Variants in WDR37 observed in about 807,000 individuals in gnomAD.
WDR37 encodes the protein WD repeat domain 37, also known as WD repeat-containing protein 37.
In WDR37, 19 loss-of-function variants were observed where a neutral mutation model predicts 62.9. The ratio of observed to expected loss-of-function variants is 0.30; its 90% confidence interval spans 0.21 to 0.44. WDR37 has a LOEUF of 0.44. WDR37 is among the 20% of genes least tolerant of loss of function. WDR37 has a pLI of 1.00. For missense variants in WDR37, 474 were observed against 657.6 expected, an observed-to-expected ratio of 0.72 and a Z score of 3.05; for synonymous variants, 250 against 260.9, an observed-to-expected ratio of 0.96 and a Z score of 0.40.
chr10:1,126,249 CA>C (rs1222937358), intron 13 of WDR37, among the ~76,000 whole-genome samples: 253 of 151,954 alleles, frequency 1.7e-3, no homozygotes, highest in Admixed American at 5.5e-3. Flanking sequence ...AATAAAAATA[CA>C]AAAAAATCAG....
chr10:1,074,452 A>G (rs1564498510), intron 2 of WDR37: 2 of 1,304,198 alleles, frequency 1.5e-6, no homozygotes, highest in Non-Finnish European at 2.0e-6. Flanking sequence ...CGCTCCCTAG[A>G]CGGAGCTCAT....
chr10:1,085,523 G>A (rs1335057201), intron 6 of WDR37, among the ~76,000 whole-genome samples: 1 of 152,172 alleles, frequency 6.6e-6, no homozygotes, highest in African/African-American at 2.4e-5. Context: ...AGCTATCTAA[G>A]GTGGCATAAT....
chr10:1,077,000 GA>G (rs79171648), intron 2 of WDR37, among the ~76,000 whole-genome samples: 1,721 of 92,794 alleles, frequency 0.019, 11 homozygotes, highest in Middle Eastern at 0.043. Context: ...ACTCTGTCTC[GA>G]AAAAAAAAAA....
chr10:1,106,007 G>T (rs1265640384), intron 11 of WDR37, among the ~76,000 whole-genome samples: 1 of 152,084 alleles, frequency 6.6e-6, no homozygotes, highest in African/African-American at 2.4e-5. Context: ...GGATGGTCTC[G>T]ATCTCCTGAC....
At chr10:1,124,842 A>T in intron 12 of WDR37, 68 bp from the exon 13 acceptor site, 1 of 1,573,152 alleles carries the variant, frequency 6.4e-7, no homozygotes, top group Non-Finnish European at 8.7e-7. Flanking sequence ...CTGCTTCATT[A>T]TCTGTCAACT....
At chr10:1,110,201 C>CGGAA (rs1377094328) in intron 11 of WDR37, among the ~76,000 whole-genome samples, 1 of 152,194 alleles carries the variant, frequency 6.6e-6, no homozygotes, top group East Asian at 1.9e-4. Context: ...GGACATTGAG[C>CGGAA]TTCCCCTCAC....
intron 11 of WDR37, among the ~76,000 whole-genome samples, chr10:1,118,820 T>C (rs1835483978): frequency 6.6e-6 from 1 of 152,238 alleles, no homozygotes; most frequent in African/African-American, 2.4e-5. Context: ...CCTGCCCTGA[T>C]GGCCCCGCAG....
intron 2 of WDR37, among the ~76,000 whole-genome samples, chr10:1,076,090 T>A (rs1379982580): frequency 1.3e-5 from 2 of 152,146 alleles, no homozygotes; most frequent in Non-Finnish European, 2.9e-5. Flanking sequence ...GGGATGTCCT[T>A]TTTGATGGCC....
At chr10:1,082,572 G>T (rs1436491497) in intron 5 of WDR37, among the ~76,000 whole-genome samples, 1 of 152,182 alleles carries the variant, frequency 6.6e-6, no homozygotes, top group Non-Finnish European at 1.5e-5. Flanking sequence ...TTGCGGCTTT[G>T]TTCTGCTGCT....
intron 8 of WDR37, among the ~76,000 whole-genome samples, chr10:1,093,736 C>T (rs969378930): frequency 2.0e-5 from 3 of 152,190 alleles, no homozygotes; most frequent in South Asian, 2.1e-4. Context: ...ACGGTCTTCT[C>T]GAAGCCTTTC....
chr10:1,082,556 G>T (rs111848304), intron 5 of WDR37, among the ~76,000 whole-genome samples: 34 of 152,334 alleles, frequency 2.2e-4, no homozygotes, highest in Middle Eastern at 3.4e-3. Context: ...GGGCGTGAGC[G>T]TCAGTTTGCG....
chr10:1,092,179 C>CAAA (rs1216415362), intron 7 of WDR37, among the ~76,000 whole-genome samples: 2 of 68,834 alleles, frequency 2.9e-5, no homozygotes, highest in African/African-American at 1.1e-4. Context: ...GACTCCGTCT[C>CAAA]AAAAAAAAAA....
chr10:1,124,118 T>A, intron 11 of WDR37, 100 bp from the exon 12 acceptor site: 4 of 1,543,162 alleles, frequency 2.6e-6, no homozygotes, highest in Non-Finnish European at 3.5e-6. Context: ...TTTGCGCTTC[T>A]CCGACCTCCT....
chr10:1,106,908 C>A (rs148585301), intron 11 of WDR37, among the ~76,000 whole-genome samples: 1 of 152,208 alleles, frequency 6.6e-6, no homozygotes, highest in Non-Finnish European at 1.5e-5. Flanking sequence ...CACGACCATG[C>A]GTAGAGATCT....
At chr10:1,116,040 A>G (rs1079389) in intron 11 of WDR37, among the ~76,000 whole-genome samples, 12,478 of 152,214 alleles carry the variant, frequency 0.082, 543 homozygotes, top group African/African-American at 0.1. Flanking sequence ...GTGTGAGTGC[A>G]GTTTTGCTAC....
At chr10:1,078,488 C>T (rs559379486) in intron 3 of WDR37, among the ~76,000 whole-genome samples, 59 of 152,242 alleles carry the variant, frequency 3.9e-4, no homozygotes, top group Non-Finnish European at 6.8e-4. Flanking sequence ...TCAAGCCCAT[C>T]GCACTCTTCA....
chr10:1,093,023 A>G (rs1340478166), intron 7 of WDR37, among the ~76,000 whole-genome samples: 1 of 152,000 alleles, frequency 6.6e-6, no homozygotes, highest in Non-Finnish European at 1.5e-5. Flanking sequence ...TGGCGTCTCT[A>G]CTAGTCACAG....
At chr10:1,070,571 A>G (rs1385477774) in intron 1 of WDR37, among the ~76,000 whole-genome samples, 1 of 152,226 alleles carries the variant, frequency 6.6e-6, no homozygotes, top group East Asian at 1.9e-4. Flanking sequence ...TTAAAAATAA[A>G]TGAAGTGAAT....
At chr10:1,119,821 T>G (rs1404370244) in intron 11 of WDR37, among the ~76,000 whole-genome samples, 4 of 152,224 alleles carry the variant, frequency 2.6e-5, no homozygotes, top group African/African-American at 7.2e-5. Context: ...TGAACAGTTC[T>G]GTAGTGCAGC....
Sources: gnomAD v4.1 joint callset for allele counts (sites outside exome capture counted in the v4.1 genomes callset) on GRCh38, gnomAD v4.1.1 for gene constraint, MANE v1.5 for transcripts, NCBI Gene and HGNC (gene_info 2026-07-23, HGNC 2026-07-21) for gene names.